RASEF: variants seen among roughly 807,000 people sequenced by gnomAD.
The protein encoded by RASEF is ras and EF-hand domain-containing protein.
Under a neutral mutation model 90.1 loss-of-function variants are expected in RASEF, and 68 were observed. That is an observed-to-expected ratio of 0.75 (90% confidence interval 0.62 to 0.92). The LOEUF is 0.92. RASEF is among the 40% of genes least tolerant of loss of function. The probability of loss-of-function intolerance (pLI) is 0.00; values close to 1 mark genes in which losing one functional copy is unlikely to be tolerated. For missense variants in RASEF, 949 were observed against 937.2 expected, an observed-to-expected ratio of 1.01 and a Z score of -0.16; for synonymous variants, 331 against 345.2, an observed-to-expected ratio of 0.96 and a Z score of 0.46.
chr9:83,056,417 C>T (rs1262902867), intron 1 of RASEF, among the ~76,000 whole-genome samples: 1 of 152,196 alleles, frequency 6.6e-6, no homozygotes, highest in Non-Finnish European at 1.5e-5. Flanking sequence ...CTTCTGACTA[C>T]ATACTGCACT....
Position 83,062,983 on chromosome 9 carries a change from G to T in RASEF, c.-116C>A. ...AGGCCCGGCGAGTTTGGCTCGTCCGGCTGGTTCGGCCACTTGAGGGAACGT... is the reference window on the plus strand; with the variant it reads ...AGGCCCGGCGAGTTTGGCTCGTCCGTCTGGTTCGGCCACTTGAGGGAACGT... On this transcript the variant is annotated 5_prime_UTR_variant, in exon 1 of 17. Coordinates refer to ENST00000376447, the MANE Select transcript of RASEF (RefSeq NM_152573.4). 4.3e-6 allele frequency: 5 copies of T among 1,158,598 alleles called. No homozygotes were observed. Among genetic ancestry groups the T allele is most frequent in the Non-Finnish European group, 5.7e-6 (5 of 882,028 alleles). 71.8% of individuals were successfully genotyped at this position (1,158,598 alleles called of 1,614,324 possible).
At chr9:83,035,010 G>C (rs921666361) in intron 1 of RASEF, among the ~76,000 whole-genome samples, 3 of 152,258 alleles carry the variant, frequency 2.0e-5, no homozygotes, top group African/African-American at 7.2e-5. Flanking sequence ...GTCCATGTCT[G>C]GGTGGTGTTT....
the RASEF span, among the ~76,000 whole-genome samples, chr9:83,121,286 G>A: frequency 6.8e-4 from 104 of 151,958 alleles, 1 homozygote; most frequent in Admixed American, 3.3e-4. Flanking sequence ...TAGATGGTGT[G>A]CATATATATA....
chr9:83,015,759 T>G, intron 4 of RASEF, 46 bp downstream of exon 4: 52 of 1,342,644 alleles, frequency 3.9e-5, no homozygotes, highest in Non-Finnish European at 5.5e-5. Flanking sequence ...TTAGATACCC[T>G]GAGATGCTGA....
chr9:83,098,960 A>G, the RASEF span, among the ~76,000 whole-genome samples: 1 of 152,100 alleles, frequency 6.6e-6, no homozygotes, highest in Non-Finnish European at 1.5e-5. Flanking sequence ...ACAGACCCAG[A>G]TTTTTCCTCT....
chr9:83,093,495 G>C, the RASEF span, among the ~76,000 whole-genome samples: 1 of 152,194 alleles, frequency 6.6e-6, no homozygotes, highest in Admixed American at 6.5e-5. Context: ...CGGTGGGCTG[G>C]CACTGCTGGG....
the RASEF span, among the ~76,000 whole-genome samples, chr9:83,120,292 C>T: frequency 8.9e-4 from 135 of 152,278 alleles, no homozygotes; most frequent in Non-Finnish European, 1.6e-3. Context: ...TGGTTTTTCT[C>T]TCTCTTTCTA....
At chr9:83,217,497 T>C in the RASEF span, among the ~76,000 whole-genome samples, 2 of 152,092 alleles carry the variant, frequency 1.3e-5, no homozygotes, top group African/African-American at 2.4e-5. Context: ...AGGGAGGTAA[T>C]TGAATCATGG....
In RASEF at chr9:83,055,399, C is replaced by G. The variant is rs539850066; in HGVS notation, c.431+7038G>C. On this transcript the variant is annotated intron_variant, in intron 1 of 16. Coordinates refer to ENST00000376447, the MANE Select transcript of RASEF (RefSeq NM_152573.4). ...GGTGAGGCAATGCCTCGCCCTGCTTCGGCTCGCGCACGGTGCGCGCACACA... is the reference window on the plus strand; with the variant it reads ...GGTGAGGCAATGCCTCGCCCTGCTTGGGCTCGCGCACGGTGCGCGCACACA... 1,252 of 514,584 alleles carry G rather than the reference C, an allele frequency of 2.4e-3. 48 individuals are homozygous for G. The highest frequency in any genetic ancestry group is 0.021 in the African/African-American group (1,070 of 49,922). The allele number at this position is 514,584 out of a possible 1,614,324, so 31.9% of individuals were successfully genotyped here.
At chr9:83,187,017 C>T in the RASEF span, among the ~76,000 whole-genome samples, 1 of 152,184 alleles carries the variant, frequency 6.6e-6, no homozygotes, top group Middle Eastern at 3.4e-3. Flanking sequence ...GAAGATATTC[C>T]TCTGCCTAAA....
chr9:82,995,044 C>A (rs1828889052), intron 14 of RASEF, among the ~76,000 whole-genome samples: 1 of 152,166 alleles, frequency 6.6e-6, no homozygotes, highest in African/African-American at 2.4e-5. Context: ...AGTCAAATGC[C>A]ATTAGTAGTA....
chr9:83,152,594 G>A, the RASEF span, among the ~76,000 whole-genome samples: 1 of 152,114 alleles, frequency 6.6e-6, no homozygotes, highest in African/African-American at 2.4e-5. Context: ...TGTTGTATGG[G>A]GGTTTTCCAG....
the RASEF span, among the ~76,000 whole-genome samples, chr9:83,141,043 T>G: frequency 6.7e-6 from 1 of 149,860 alleles, no homozygotes; most frequent in East Asian, 2.0e-4. Context: ...CTTGGGAGGC[T>G]GAGGCAAGAG....
At chr9:83,061,279 C>T (rs1830195656) in intron 1 of RASEF, among the ~76,000 whole-genome samples, 1 of 152,178 alleles carries the variant, frequency 6.6e-6, no homozygotes, top group African/African-American at 2.4e-5. Flanking sequence ...GCCCAATATT[C>T]CCCTTACTTT....
At chr9:83,130,544 T>C in the RASEF span, among the ~76,000 whole-genome samples, 1 of 152,338 alleles carries the variant, frequency 6.6e-6, no homozygotes, top group Admixed American at 6.5e-5. Flanking sequence ...TGAGAATCAA[T>C]TGTTAAATAC....
chr9:83,038,141 A>C (rs1829776351), intron 1 of RASEF, among the ~76,000 whole-genome samples: 1 of 152,106 alleles, frequency 6.6e-6, no homozygotes, highest in Non-Finnish European at 1.5e-5. Context: ...AAACGAACAC[A>C]ACTTGGTAAG....
chr9:83,164,877 T>C, the RASEF span, among the ~76,000 whole-genome samples: 16 of 152,058 alleles, frequency 1.1e-4, no homozygotes, highest in African/African-American at 3.9e-4. Context: ...ACAGAGTAGA[T>C]GACAGAGCAA....
the RASEF span, among the ~76,000 whole-genome samples, chr9:83,163,297 T>C: frequency 6.6e-6 from 1 of 152,182 alleles, no homozygotes; most frequent in Non-Finnish European, 1.5e-5. Context: ...ATGTCTACAG[T>C]AGTTCCTTTT....
the RASEF span, among the ~76,000 whole-genome samples, chr9:83,089,734 T>C: frequency 6.6e-6 from 1 of 152,176 alleles, no homozygotes; most frequent in Non-Finnish European, 1.5e-5. Context: ...TTGATTGCAA[T>C]TTCTCTATGT....
Sources: allele counts gnomAD v4.1 joint callset (sites outside exome capture counted in the v4.1 genomes callset), GRCh38; gene constraint gnomAD v4.1.1; transcripts MANE v1.5; gene names NCBI Gene and HGNC (gene_info 2026-07-23, HGNC 2026-07-21).